The following FBXL4 variants were observed in gnomAD, a reference collection of about 807,000 sequenced individuals.
FBXL4 encodes F-box/LRR-repeat protein 4.
A neutral mutation model predicts 58.9 loss-of-function variants in FBXL4; 40 were observed. The observed-to-expected ratio is 0.68, with a 90% CI of 0.53 to 0.88. The LOEUF (loss-of-function observed/expected upper bound fraction) is 0.88, where lower values mean the gene tolerates loss of function less well. Ranked by LOEUF, FBXL4 falls within the 40% of genes least tolerant of loss-of-function variation. The probability of loss-of-function intolerance (pLI) is 0.00; values close to 1 mark genes in which losing one functional copy is unlikely to be tolerated. For missense variants in FBXL4, 676 were observed against 734.4 expected (o/e 0.92, Z 0.92); for synonymous variants, 263 against 265.5 (o/e 0.99, Z 0.09).
chr6:98,883,795 T>C (rs1203677688), intron 7 of FBXL4, among the ~76,000 whole-genome samples: 1 of 151,532 alleles, frequency 6.6e-6, no homozygotes, highest in Non-Finnish European at 1.5e-5. Flanking sequence ...TTAATTATTA[T>C]ACTTCATAAG....
intron 8 of FBXL4, among the ~76,000 whole-genome samples, chr6:98,877,330 A>T (rs1166433853): frequency 6.6e-6 from 1 of 152,154 alleles, no homozygotes; most frequent in Non-Finnish European, 1.5e-5. Flanking sequence ...TAGAAAAAAA[A>T]AATTTAAAAA....
intron 5 of FBXL4, among the ~76,000 whole-genome samples, chr6:98,910,840 G>T (rs1772020281): frequency 6.6e-6 from 1 of 152,158 alleles, no homozygotes; most frequent in African/African-American, 2.4e-5. Flanking sequence ...GACAGTGGGT[G>T]CAGCGCACCG....
At chr6:98,936,415 T>C (rs1773218902) in intron 1 of FBXL4, among the ~76,000 whole-genome samples, 1 of 152,202 alleles carries the variant, frequency 6.6e-6, no homozygotes, top group African/African-American at 2.4e-5. Context: ...ATGGTATGTA[T>C]GGCTAACCCT....
chr6:98,927,196 T>C (rs901125230), intron 3 of FBXL4, 136 bp from the exon 4 acceptor site: 6 of 492,884 alleles, frequency 1.2e-5, no homozygotes, highest in Non-Finnish European at 1.8e-5. Flanking sequence ...AAAATACAAA[T>C]GTGAAGTCTG....
At chr6:98,929,592 GA>G (rs1397431475) in intron 2 of FBXL4, among the ~76,000 whole-genome samples, 1 of 147,034 alleles carries the variant, frequency 6.8e-6, no homozygotes. Flanking sequence ...AAAAAAGAAA[GA>G]AAGAAAGTCA....
At chr6:98,912,733 T>A (rs1310332951) in intron 5 of FBXL4, among the ~76,000 whole-genome samples, 2 of 151,756 alleles carry the variant, frequency 1.3e-5, no homozygotes, top group Admixed American at 1.3e-4. Flanking sequence ...CGCCAAAATG[T>A]AAAGACCATC....
In FBXL4 at chr6:98,872,117, C is replaced by T. The variant is rs925649860; in HGVS notation, c.*2161G>A. On this transcript the variant is annotated 3_prime_UTR_variant, in exon 10 of 10. Transcript: ENST00000369244. ...AAAAGGTAAGACAAAGAAGCGAGAT[C>T]TCCACTCTCACACAAATTTGTAGCT... is the stretch of plus-strand genomic sequence containing the variant. 9.2e-5 allele frequency: 14 copies of T among 152,340 alleles called. No homozygotes were observed. Among genetic ancestry groups the T allele is most frequent in the African/African-American group, 3.4e-4 (14 of 41,582 alleles). 9.4% of individuals were successfully genotyped at this position (152,340 alleles called of 1,614,324 possible). A position where few individuals can be genotyped will look rare whatever the true frequency, so the allele number is the denominator to read the frequency against.
At chr6:98,884,208 C>T (rs1417158970) in intron 7 of FBXL4, among the ~76,000 whole-genome samples, 2 of 151,960 alleles carry the variant, frequency 1.3e-5, no homozygotes, top group African/African-American at 4.8e-5. Context: ...CACAACAATC[C>T]TATTCACTCA....
chr6:98,871,252 G>C lies in FBXL4; in HGVS notation c.*3026C>G, dbSNP rs935025834. On this transcript the variant is annotated 3_prime_UTR_variant, in exon 10 of 10. Transcript: ENST00000369244. ...TTAAGACTATTAAATTAGCCTTTTG[G>C]CAAGAATGGTTGCTTAAAGAATTGA... 6.6e-6 allele frequency: 1 copy of C among 152,114 alleles called. No homozygotes were observed. The highest frequency in any genetic ancestry group is 1.5e-5 in the Non-Finnish European group (1 of 68,040). The allele number at this position is 152,114 out of a possible 1,614,324, so 9.4% of individuals were successfully genotyped here. A position where few individuals can be genotyped will look rare whatever the true frequency, so the allele number is the denominator to read the frequency against.
At chr6:98,903,566 A>T (rs1771692804) in intron 6 of FBXL4, among the ~76,000 whole-genome samples, 1 of 152,168 alleles carries the variant, frequency 6.6e-6, no homozygotes, top group Admixed American at 6.5e-5. Context: ...TGGGTTAGAA[A>T]GTAGATAGAA....
chr6:98,875,717 T>C lies in FBXL4; in HGVS notation c.1400A>G (p.Tyr467Cys), dbSNP rs761551398. 76 of 1,613,254 alleles carry C rather than the reference T, an allele frequency of 4.7e-5. No homozygotes were observed. The highest frequency in any genetic ancestry group is 2.7e-5 in the Non-Finnish European group (32 of 1,179,854). Residue 467 changes from tyrosine (Y) to cysteine (C), a missense_variant, in exon 9 of 10, where the codon TAT (tyrosine) becomes TGT (cysteine). By Grantham distance (194) the Tyr-to-Cys change is radical. Transcript: ENST00000369244. ...SLGSCVMIEDYDVIASMIGAK... is the reference protein window; with the variant it reads ...SLGSCVMIEDCDVIASMIGAK... The stretch of plus-strand genomic sequence containing the variant: ...TCCTATCATGCTAGCTATCACATCA[T>C]AGTCTTCAATCTGGAAATCAAATAA...
chr6:98,916,889 A>T (rs1475824262), intron 5 of FBXL4, among the ~76,000 whole-genome samples: 2 of 152,004 alleles, frequency 1.3e-5, no homozygotes, highest in Non-Finnish European at 2.9e-5. Context: ...CTAGACCAAA[A>T]ATTACAGTTA....
Position 98,868,831 on chromosome 6 carries a change from T to C in FBXL4, c.*5447A>G, listed in dbSNP as rs1770420742. 6.6e-6 allele frequency: 1 copy of C among 152,234 alleles called. No individual in the cohort carries two copies. The highest frequency in any genetic ancestry group is 1.5e-5 in the Non-Finnish European group (1 of 68,034). 9.4% of individuals were successfully genotyped at this position (152,234 alleles called of 1,614,324 possible). ...CCCTAAATGTCAATTTTAGCAGGAC[T>C]ACCTTTTTCCTTTCAAAATGTAGTC... On this transcript the variant is annotated 3_prime_UTR_variant, in exon 10 of 10. Coordinates refer to ENST00000369244, the MANE Select transcript of FBXL4 (RefSeq NM_001278716.2).
At chr6:98,912,582 C>A (rs1290789351) in intron 5 of FBXL4, among the ~76,000 whole-genome samples, 3 of 151,976 alleles carry the variant, frequency 2.0e-5, no homozygotes, top group Non-Finnish European at 4.4e-5. Context: ...AACTAAGCTT[C>A]ATAAGTGAAG....
rs114469378 is a variant in FBXL4, at chr6:98,945,562, G to C, written c.-309+2244C>G. Among the ~76,000 whole-genome samples the C allele has an allele frequency of 5.3e-3, 810 of 152,268 alleles. 6 individuals are homozygous for C. The highest frequency in any genetic ancestry group is 0.019 in the African/African-American group (786 of 41,554). ...TCTGTATTGCTTGATCTTTTTTAAAGAATGCATACATTTATTTCATGGGCT... is the reference window on the plus strand; with the variant it reads ...TCTGTATTGCTTGATCTTTTTTAAACAATGCATACATTTATTTCATGGGCT... On this transcript the variant is annotated intron_variant, in intron 1 of 9. Coordinates refer to ENST00000369244, the MANE Select transcript of FBXL4 (RefSeq NM_001278716.2).
At chr6:98,891,493 G>A (rs1360139348) in intron 7 of FBXL4, among the ~76,000 whole-genome samples, 1 of 152,028 alleles carries the variant, frequency 6.6e-6, no homozygotes. Context: ...CACTGTATTG[G>A]ATCTTTCCTA....
At chr6:98,920,389 C>T (rs1189896466) in intron 4 of FBXL4, among the ~76,000 whole-genome samples, 2 of 151,992 alleles carry the variant, frequency 1.3e-5, no homozygotes. Flanking sequence ...ACATATATAT[C>T]AGAATCTGCA....
chr6:98,888,134 G>C (rs1328097211), intron 7 of FBXL4, among the ~76,000 whole-genome samples: 1 of 152,220 alleles, frequency 6.6e-6, no homozygotes, highest in Admixed American at 6.5e-5. Context: ...ACCTGATTTT[G>C]TAGAGACCAC....
chr6:98,908,724 TTTC>T, intron 5 of FBXL4, among the ~76,000 whole-genome samples: 1 of 152,114 alleles, frequency 6.6e-6, no homozygotes, highest in Middle Eastern at 3.4e-3. Context: ...TTTATTTGTG[TTTC>T]TTTTTTTTTT....
Sources: gnomAD v4.1 joint callset for allele counts (sites outside exome capture counted in the v4.1 genomes callset) on GRCh38, gnomAD v4.1.1 for gene constraint, MANE v1.5 for transcripts, NCBI Gene and HGNC (gene_info 2026-07-23, HGNC 2026-07-21) for gene names.